STAMBPL1: variants seen among roughly 807,000 people sequenced by gnomAD.
The protein encoded by STAMBPL1 is AMSH-like protease.
A neutral mutation model predicts 52.9 loss-of-function variants in STAMBPL1; 44 were observed. The observed-to-expected ratio is 0.83, with a 90% CI of 0.65 to 1.07. The LOEUF (loss-of-function observed/expected upper bound fraction) is 1.07, where lower values mean the gene tolerates loss of function less well. Among genes scored for constraint, STAMBPL1 ranks in the 50% least tolerant of loss-of-function variants. The pLI, the probability that STAMBPL1 is intolerant of heterozygous loss-of-function variation, is 0.00. For missense variants in STAMBPL1, 511 were observed against 520.8 expected, an observed-to-expected ratio of 0.98 and a Z score of 0.18; for synonymous variants, 164 against 177.3, an observed-to-expected ratio of 0.92 and a Z score of 0.60.
chr10:88,902,690 C>T (rs767443073), intron 2 of STAMBPL1, among the ~76,000 whole-genome samples: 2 of 152,096 alleles, frequency 1.3e-5, no homozygotes, highest in Non-Finnish European at 2.9e-5. Flanking sequence ...CCTGCCTCAG[C>T]CTCCTGAGTA....
chr10:88,905,341 T>C, intron 2 of STAMBPL1, 102 bp from the exon 3 acceptor site: 1 of 866,612 alleles, frequency 1.2e-6, no homozygotes, highest in Non-Finnish European at 1.8e-6. Flanking sequence ...CCTTAGGTAA[T>C]GGTGTTAGGT....
At chr10:88,922,687 G>A (rs892222117) in intron 10 of STAMBPL1, among the ~76,000 whole-genome samples, 10 of 152,058 alleles carry the variant, frequency 6.6e-5, no homozygotes, top group Non-Finnish European at 1.0e-4. Flanking sequence ...TTCCGCTTAT[G>A]TATATGTATG....
intron 1 of STAMBPL1, among the ~76,000 whole-genome samples, chr10:88,897,665 T>C (rs1464667604): frequency 1.3e-5 from 2 of 152,180 alleles, no homozygotes; most frequent in Admixed American, 6.5e-5. Flanking sequence ...AGTGTGGCTG[T>C]GACAAGCGCC....
chr10:88,923,430 C>T lies in STAMBPL1; in HGVS notation c.*206C>T, dbSNP rs528810421. ...CAAGAGAGGTTACATGGTGTTAAAT[C>T]GGTACCTGATAATGTACCCAAATAC... On this transcript the variant is annotated 3_prime_UTR_variant, in exon 11 of 11. Transcript: ENST00000371926. 9.6e-5 allele frequency: 124 copies of T among 1,289,416 alleles called. No homozygotes were observed. The highest frequency in any genetic ancestry group is 1.1e-4 in the Non-Finnish European group (113 of 1,021,842). The allele number at this position is 1,289,416 out of a possible 1,614,324, so 79.9% of individuals were successfully genotyped here. A position where few individuals can be genotyped will look rare whatever the true frequency, so the allele number is the denominator to read the frequency against.
chr10:88,918,610 C>T (rs1354102963), intron 8 of STAMBPL1, among the ~76,000 whole-genome samples: 3 of 152,092 alleles, frequency 2.0e-5, no homozygotes, highest in Non-Finnish European at 4.4e-5. Context: ...TGTCTATTTG[C>T]GTTACTTAAC....
At chr10:88,880,714 G>T (rs966979269) in intron 1 of STAMBPL1, 76 bp downstream of exon 1, 1 of 152,206 alleles carries the variant, frequency 6.6e-6, no homozygotes, top group East Asian at 1.9e-4. Flanking sequence ...CGTCTGCCTC[G>T]TGGCCTGGCG....
chr10:88,910,990 C>T lies in STAMBPL1; in HGVS notation c.399C>T (p.Tyr133=). 1 of 1,586,156 alleles carries T rather than the reference C, an allele frequency of 6.3e-7. No individual in the cohort carries two copies. The highest frequency in any genetic ancestry group is 1.4e-5 in the African/African-American group (1 of 73,680). The stretch of plus-strand genomic sequence containing the variant: ...TTTTAAAGAAATATAACGTAGAATA[C>T]CAAGAATATTTGCAAAGCAAAGTAA... The part of the protein sequence containing the change: ...NDLLKKYNVE[Y]QEYLQSKNKY... Residue 133 remains tyrosine (Y), a synonymous_variant, in exon 5 of 11, where the codon TAC becomes TAT. Coordinates refer to ENST00000371926, the MANE Select transcript of STAMBPL1 (RefSeq NM_020799.4).
chr10:88,904,705 C>T (rs72809318), intron 2 of STAMBPL1, among the ~76,000 whole-genome samples: 14,419 of 152,168 alleles, frequency 0.095, 913 homozygotes, highest in Non-Finnish European at 0.15. Context: ...TATGCTTTAC[C>T]AAAAGTGTAT....
chr10:88,913,431 C>G lies in STAMBPL1; in HGVS notation c.751C>G (p.Pro251Ala), dbSNP rs1176343164. The change falls in exon 6 of 11, where the codon CCA (proline) becomes GCA (alanine). Residue 251 changes from proline to alanine, a missense_variant. This residue lies in a region of STAMBPL1 where 358 missense variants were observed against 343.5 expected (regional missense o/e 1.04). Coordinates refer to ENST00000371926, the MANE Select transcript of STAMBPL1 (RefSeq NM_020799.4). ...HSPPVNRALT[P>A]AATLSAVQNL... Reference sequence around the variant, plus strand: ...TCCTCCTGTAAACAGGGCCTTAACGCCAGCTGCTACTCTAAGTGCTGTTCA... The same window carrying G: ...TCCTCCTGTAAACAGGGCCTTAACGGCAGCTGCTACTCTAAGTGCTGTTCA... The G allele has an allele frequency of 6.2e-7, 1 of 1,612,966 alleles. No homozygotes were observed. Among genetic ancestry groups the G allele is most frequent in the Admixed American group, 1.7e-5 (1 of 59,908 alleles).
intron 2 of STAMBPL1, among the ~76,000 whole-genome samples, chr10:88,905,129 G>A (rs1359447099): frequency 6.6e-6 from 1 of 152,152 alleles, no homozygotes; most frequent in East Asian, 1.9e-4. Context: ...ACAGGGATAT[G>A]AGGAGCAATG....
At chr10:88,906,101 GAC>G (rs777206169) in intron 3 of STAMBPL1, among the ~76,000 whole-genome samples, 16 of 152,182 alleles carry the variant, frequency 1.1e-4, no homozygotes, top group Non-Finnish European at 1.9e-4. Flanking sequence ...CAAGTTGGGA[GAC>G]ACAGGAAAGA....
At chr10:88,912,819 G>A (rs549866093) in intron 5 of STAMBPL1, 10 of 314,864 alleles carry the variant, frequency 3.2e-5, no homozygotes, top group South Asian at 6.5e-5. Context: ...CAACCTTGAC[G>A]TTGATTTTCC....
intron 1 of STAMBPL1, among the ~76,000 whole-genome samples, chr10:88,893,399 C>T (rs1844734762): frequency 6.6e-6 from 1 of 152,148 alleles, no homozygotes; most frequent in Non-Finnish European, 1.5e-5. Flanking sequence ...TTCTTAACTA[C>T]ATATACCATG....
Position 88,880,701 on chromosome 10 carries a change from G to C in STAMBPL1, c.-54+63G>C, listed in dbSNP as rs547214783. ...CCGGACGGGGAAGTGCGCACGGCGG[G>C]TGCGTCTGCCTCGTGGCCTGGCGCG... On this transcript the variant is annotated intron_variant, in intron 1 of 10. Transcript: ENST00000371926. 5.2e-4 allele frequency: 79 copies of C among 152,394 alleles called. 1 individual carries two copies. Among genetic ancestry groups the C allele is most frequent in the African/African-American group, 1.8e-3 (76 of 41,600 alleles). The allele number at this position is 152,394 out of a possible 1,614,324, so 9.4% of individuals were successfully genotyped here.
chr10:88,889,990 A>T (rs1173858650), intron 1 of STAMBPL1, among the ~76,000 whole-genome samples: 2 of 152,172 alleles, frequency 1.3e-5, no homozygotes, highest in Non-Finnish European at 2.9e-5. Flanking sequence ...GGTTTATTTG[A>T]TGTTTCTTCA....
chr10:88,885,319 A>T (rs1844504366), intron 1 of STAMBPL1, among the ~76,000 whole-genome samples: 1 of 151,840 alleles, frequency 6.6e-6, no homozygotes, highest in African/African-American at 2.4e-5. Context: ...GCCATCTCCA[A>T]TGTAGAATTA....
intron 8 of STAMBPL1, among the ~76,000 whole-genome samples, chr10:88,917,500 A>C (rs780885879): frequency 4.6e-5 from 7 of 152,092 alleles, no homozygotes; most frequent in Non-Finnish European, 8.8e-5. Flanking sequence ...GCAAGTTATT[A>C]AGCAATCCGA....
At chr10:88,915,839 G>T (rs1047185177) in intron 7 of STAMBPL1, among the ~76,000 whole-genome samples, 4 of 152,120 alleles carry the variant, frequency 2.6e-5, no homozygotes, top group African/African-American at 9.7e-5. Context: ...TTTGAGCTAG[G>T]CCTGAAGAAT....
intron 1 of STAMBPL1, among the ~76,000 whole-genome samples, chr10:88,888,235 G>A (rs72809310): frequency 2.6e-5 from 4 of 152,120 alleles, no homozygotes; most frequent in Non-Finnish European, 4.4e-5. Context: ...AAGGGGAAAG[G>A]CTCAGATAAC....
Sources: allele counts gnomAD v4.1 joint callset (sites outside exome capture counted in the v4.1 genomes callset), GRCh38; gene constraint gnomAD v4.1.1; regional missense constraint gnomAD v4.1.1; transcripts MANE v1.5; gene names NCBI Gene and HGNC (gene_info 2026-07-23, HGNC 2026-07-21).